STPG2: variants seen among roughly 807,000 people sequenced by gnomAD.
STPG2 encodes the protein sperm-tail PG-rich repeat-containing protein 2.
STPG2 carries 56 observed loss-of-function variants against 54.2 expected under a neutral mutation model. The ratio of observed to expected loss-of-function variants is 1.03; its 90% CI spans 0.83 to 1.29. The LOEUF (loss-of-function observed/expected upper bound fraction) is 1.29. STPG2 is among the 50% of genes most tolerant of loss of function. STPG2 has a pLI of 0.00. For synonymous variants in STPG2, 200 were observed against 181.8 expected, an observed-to-expected ratio of 1.10 and a Z score of -0.81; for missense variants, 596 against 544.9, an observed-to-expected ratio of 1.09 and a Z score of -0.93.
At chr4:97,690,868 A>C (rs1473461821) in intron 10 of STPG2, among the ~76,000 whole-genome samples, 4 of 152,190 alleles carry the variant, frequency 2.6e-5, no homozygotes, top group Non-Finnish European at 5.9e-5. Context: ...TGCCATACCC[A>C]CTGTTCTTCA....
intron 10 of STPG2, among the ~76,000 whole-genome samples, chr4:97,588,570 C>T (rs1237189230): frequency 6.6e-6 from 1 of 151,978 alleles, no homozygotes; most frequent in African/African-American, 2.4e-5. Flanking sequence ...TTTAAAAACT[C>T]TGATGCTATC....
chr4:97,913,968 T>G (rs995969771), intron 8 of STPG2, among the ~76,000 whole-genome samples: 3 of 152,180 alleles, frequency 2.0e-5, no homozygotes, highest in African/African-American at 7.2e-5. Context: ...TTGCAAATCC[T>G]GAGAATATTC....
At chr4:97,796,075 A>T (rs1165714333) in intron 9 of STPG2, among the ~76,000 whole-genome samples, 1 of 151,826 alleles carries the variant, frequency 6.6e-6, no homozygotes, top group East Asian at 1.9e-4. Context: ...AATTTGTTTG[A>T]GTTCTTTGTA....
In STPG2 at chr4:97,777,121, A is replaced by G. The variant is rs565645856; in HGVS notation, c.1204+63652T>C. On this transcript the variant is annotated intron_variant, in intron 9 of 10. Coordinates refer to ENST00000295268, the MANE Select transcript of STPG2 (RefSeq NM_174952.3). ...CAGGAGCTCAGTAAATAATATTTAC[A>G]GGATGGTTAAAATGCACTTCGTACT... is the stretch of plus-strand genomic sequence containing the variant. Among the ~76,000 whole-genome samples, 6 of 152,342 alleles carry G rather than the reference A, an allele frequency of 3.9e-5. No individual in the cohort carries two copies. The South Asian group carries it at 1.0e-3, about 26-fold the overall frequency.
At chr4:97,574,725 G>T (rs979172483) in intron 10 of STPG2, among the ~76,000 whole-genome samples, 28 of 151,954 alleles carry the variant, frequency 1.8e-4, no homozygotes, top group Admixed American at 1.7e-3. Context: ...GGTGGGAGGA[G>T]GTCAGAAAGA....
intron 9 of STPG2, among the ~76,000 whole-genome samples, chr4:97,805,858 G>A (rs1031505845): frequency 6.6e-6 from 1 of 151,480 alleles, no homozygotes; most frequent in African/African-American, 2.4e-5. Flanking sequence ...AAAAATAGAT[G>A]CTGGCAAAGC....
At chr4:97,853,364 C>T (rs977087099) in intron 8 of STPG2, among the ~76,000 whole-genome samples, 2 of 152,068 alleles carry the variant, frequency 1.3e-5, no homozygotes, top group Non-Finnish European at 2.9e-5. Context: ...TGTGATAGTT[C>T]ATGTATACGT....
At chr4:97,792,379 T>C (rs1301458562) in intron 9 of STPG2, among the ~76,000 whole-genome samples, 2 of 152,170 alleles carry the variant, frequency 1.3e-5, no homozygotes, top group Non-Finnish European at 2.9e-5. Flanking sequence ...CTCCCTTTTC[T>C]CAGTCTAATC....
intron 9 of STPG2, among the ~76,000 whole-genome samples, chr4:97,788,861 G>T (rs970541333): frequency 1.3e-5 from 2 of 151,832 alleles, no homozygotes; most frequent in African/African-American, 2.4e-5. Flanking sequence ...TGTTTTGTTC[G>T]ATATATCCTT....
intron 10 of STPG2, among the ~76,000 whole-genome samples, chr4:97,606,879 T>TG (rs1365958162): frequency 1.1e-4 from 16 of 152,134 alleles, no homozygotes; most frequent in Middle Eastern, 3.4e-3. Flanking sequence ...GAAAAACAGT[T>TG]GGACATATTT....
At chr4:97,490,853 A>G (rs966020942) in intron 4 of STPG2, among the ~76,000 whole-genome samples, 2 of 151,520 alleles carry the variant, frequency 1.3e-5, no homozygotes, top group African/African-American at 4.8e-5. Flanking sequence ...TTTCCTAAAC[A>G]CCAGTCATTG....
intron 9 of STPG2, among the ~76,000 whole-genome samples, chr4:97,725,592 C>T (rs1469037652): frequency 6.6e-6 from 1 of 151,222 alleles, no homozygotes; most frequent in East Asian, 1.9e-4. Context: ...AAATAGCTTA[C>T]AAAAACCCTT....
chr4:97,910,659 A>T (rs1173237744), intron 8 of STPG2, among the ~76,000 whole-genome samples: 3 of 152,222 alleles, frequency 2.0e-5, no homozygotes, highest in Admixed American at 6.5e-5. Context: ...GAAAATGTAT[A>T]GAACGCATTT....
chr4:97,694,804 C>T (rs984705182), intron 10 of STPG2, among the ~76,000 whole-genome samples: 4 of 72,424 alleles, frequency 5.5e-5, no homozygotes, highest in African/African-American at 2.0e-4. Flanking sequence ...CAGAGCAAGA[C>T]TCTGTCACAA....
intron 4 of STPG2, among the ~76,000 whole-genome samples, chr4:97,481,751 G>C (rs545334622): frequency 6.6e-6 from 1 of 151,392 alleles, no homozygotes; most frequent in South Asian, 2.1e-4. Flanking sequence ...TTGTAAGCTT[G>C]TTTTATTTTT....
chr4:98,077,425 A>C (rs1404049710), intron 5 of STPG2, among the ~76,000 whole-genome samples: 1 of 152,088 alleles, frequency 6.6e-6, no homozygotes, highest in Non-Finnish European at 1.5e-5. Flanking sequence ...TGTATTTAAC[A>C]CGGGGTTTCA....
chr4:97,697,883 T>C (rs1380340465), intron 10 of STPG2, among the ~76,000 whole-genome samples: 1 of 152,220 alleles, frequency 6.6e-6, no homozygotes. Flanking sequence ...CATCCCTTTG[T>C]TTCGGCCCAT....
chr4:98,030,104 C>A (rs1183829792), intron 5 of STPG2, among the ~76,000 whole-genome samples: 4 of 152,166 alleles, frequency 2.6e-5, no homozygotes, highest in African/African-American at 9.6e-5. Flanking sequence ...ATCCGGTTTG[C>A]AAGATTCTTC....
chr4:97,826,475 A>G (rs2149108524), intron 9 of STPG2, among the ~76,000 whole-genome samples: 1 of 152,368 alleles, frequency 6.6e-6, no homozygotes, highest in South Asian at 2.1e-4. Flanking sequence ...TAAATTGAAC[A>G]TAGAAATAAA....
Sources: gnomAD v4.1 joint callset for allele counts (sites outside exome capture counted in the v4.1 genomes callset) on GRCh38, gnomAD v4.1.1 for gene constraint, MANE v1.5 for transcripts, NCBI Gene and HGNC (gene_info 2026-07-23, HGNC 2026-07-21) for gene names.